ATP2B2: variants seen among roughly 807,000 people sequenced by gnomAD.
The protein encoded by ATP2B2 is ATPase plasma membrane Ca2+ transporting 2, also known as plasma membrane calcium-transporting ATPase 2.
Under a neutral mutation model 120.0 loss-of-function variants are expected in ATP2B2, and 15 were observed. The observed-to-expected ratio is 0.12, with a 90% confidence interval of 0.08 to 0.19. The LOEUF is 0.19. Ranked by LOEUF, ATP2B2 falls within the 10% of genes least tolerant of loss-of-function variation. ATP2B2 has a pLI of 1.00. For synonymous variants in ATP2B2, 694 were observed against 700.3 expected (o/e 0.99, Z 0.14); for missense variants, 1,045 against 1,719.8 (o/e 0.61, Z 6.94).
At position 10,595,159 on chromosome 3, in the gene ATP2B2, G is replaced by A. The variant is rs116758526; in HGVS notation, c.-415+24758C>T. ...TCCTAGATTCTCATAGGCCCACACT[G>A]GACAGATCCCTCCCACTCCAACCCG... On this transcript the variant is annotated intron_variant, in intron 2 of 21. Transcript: ENST00000646379. Among the ~76,000 whole-genome samples, 554 of 152,308 alleles carry A rather than the reference G, an allele frequency of 3.6e-3. 3 individuals carry two copies. The highest frequency in any genetic ancestry group is 0.013 in the African/African-American group (529 of 41,554).
In ATP2B2 at chr3:10,417,995, T is replaced by C. The variant is rs368587622; in HGVS notation, c.200-7180A>G. 7.9e-5 allele frequency among the ~76,000 whole-genome samples: 12 copies of C among 152,294 alleles called. No homozygotes were observed. The South Asian group carries it at 2.5e-3, about 32-fold the overall frequency. ...AGGCTGGGAATAGAAACTGAATTTA[T>C]AGCATGCCACATGGGGTCAGGCTTA... is the stretch of plus-strand genomic sequence containing the variant. On this transcript the variant is annotated intron_variant, in intron 2 of 22. Transcript: ENST00000360273.
chr3:10,541,852 G>A (rs1420362451), intron 2 of ATP2B2, among the ~76,000 whole-genome samples: 1 of 152,030 alleles, frequency 6.6e-6, no homozygotes, highest in East Asian at 1.9e-4. Flanking sequence ...ATCAATTATT[G>A]GGAGATGAGT....
chr3:10,452,078 T>C (rs887715870), intron 1 of ATP2B2, among the ~76,000 whole-genome samples: 9 of 152,274 alleles, frequency 5.9e-5, no homozygotes, highest in Non-Finnish European at 1.3e-4. Context: ...TGCAACACTG[T>C]GAAGTGGATA....
At position 10,612,857 on chromosome 3, in the gene ATP2B2, C is replaced by A. The variant is rs550674551; in HGVS notation, c.-415+7060G>T. 8.7e-4 allele frequency among the ~76,000 whole-genome samples: 133 copies of A among 152,272 alleles called. 1 individual carries two copies. The highest frequency in any genetic ancestry group is 3.2e-3 in the African/African-American group (132 of 41,540). ...AATAAAACTTTGACAGGCTTTCATC[C>A]CTGGTTCCTGGAAGGCAAACTCTAA... On this transcript the variant is annotated intron_variant, in intron 2 of 21. Transcript: ENST00000646379.
At chr3:10,568,943 G>A (rs1288334227) in intron 2 of ATP2B2, among the ~76,000 whole-genome samples, 4 of 152,164 alleles carry the variant, frequency 2.6e-5, no homozygotes, top group African/African-American at 7.2e-5. Context: ...AGAATATAGA[G>A]TTGCCATCAG....
At chr3:10,364,714 G>A (rs900174381) in intron 12 of ATP2B2, among the ~76,000 whole-genome samples, 6 of 150,992 alleles carry the variant, frequency 4.0e-5, no homozygotes, top group African/African-American at 1.5e-4. Flanking sequence ...CCATCTTGGG[G>A]AAAAAAAATA....
chr3:10,406,071 C>T (rs1158042425), intron 3 of ATP2B2, among the ~76,000 whole-genome samples: 1 of 152,192 alleles, frequency 6.6e-6, no homozygotes, highest in African/African-American at 2.4e-5. Flanking sequence ...ATAGCCCTGC[C>T]CCAACTGCTT....
At chr3:10,674,033 C>G (rs953801405) in intron 1 of ATP2B2, among the ~76,000 whole-genome samples, 11 of 151,536 alleles carry the variant, frequency 7.3e-5, no homozygotes, top group African/African-American at 9.7e-5. Flanking sequence ...TTGGGGCAGG[C>G]AGATCCAGGT....
chr3:10,590,141 T>C (rs527940152), intron 2 of ATP2B2, among the ~76,000 whole-genome samples: 2 of 152,320 alleles, frequency 1.3e-5, no homozygotes, highest in East Asian at 1.9e-4. Flanking sequence ...CTCCAGCCAC[T>C]GTGTTGACAG....
chr3:10,616,923 T>C (rs2069404784), intron 2 of ATP2B2, among the ~76,000 whole-genome samples: 2 of 152,240 alleles, frequency 1.3e-5, no homozygotes, highest in Admixed American at 6.5e-5. Context: ...TGTCTACCTA[T>C]TTAAAAAAAT....
At chr3:10,438,462 C>T (rs1045216874) in intron 2 of ATP2B2, among the ~76,000 whole-genome samples, 1 of 152,202 alleles carries the variant, frequency 6.6e-6, no homozygotes, top group African/African-American at 2.4e-5. Context: ...TCACACTGTA[C>T]CTGCATGTGA....
rs910791095 is a variant in ATP2B2, at chr3:10,553,815, C to T, written c.-414-19682G>A. ...GGGTAAATATCAACACTTCTGGGCC[C>T]GTTACTAAGGGCCTGGGTGGTTGCT... is the stretch of plus-strand genomic sequence containing the variant. On this transcript the variant is annotated intron_variant, in intron 2 of 21. Coordinates refer to the ATP2B2 transcript ENST00000646379. Among the ~76,000 whole-genome samples, 22 of 152,062 alleles carry T rather than the reference C, an allele frequency of 1.4e-4. 1 individual carries two copies. Among genetic ancestry groups the T allele is most frequent in the African/African-American group, 4.8e-4 (20 of 41,396 alleles).
At chr3:10,333,312 G>C (rs1243673606) in intron 22 of ATP2B2, among the ~76,000 whole-genome samples, 1 of 152,128 alleles carries the variant, frequency 6.6e-6, no homozygotes, top group African/African-American at 2.4e-5. Flanking sequence ...CAGAAGGCTG[G>C]TGGGGTGCGG....
At chr3:10,390,458 T>TTG (rs1260513985) in intron 5 of ATP2B2, among the ~76,000 whole-genome samples, 2 of 140,248 alleles carry the variant, frequency 1.4e-5, no homozygotes. Context: ...TATCCCGATG[T>TTG]TGTGTGTGTG....
At chr3:10,378,477 A>T in intron 9 of ATP2B2, 67 bp from the exon 10 acceptor site, 1 of 1,591,928 alleles carries the variant, frequency 6.3e-7, no homozygotes, top group South Asian at 1.1e-5. Context: ...GTCAGCCCAC[A>T]GGGTGGAGAC....
At chr3:10,571,971 T>C (rs2068138655) in intron 2 of ATP2B2, among the ~76,000 whole-genome samples, 1 of 152,140 alleles carries the variant, frequency 6.6e-6, no homozygotes, top group Non-Finnish European at 1.5e-5. Context: ...GGGGTCAACT[T>C]CCCCACCCCT....
At chr3:10,460,012 C>T (rs1037817940) in intron 1 of ATP2B2, among the ~76,000 whole-genome samples, 3 of 152,226 alleles carry the variant, frequency 2.0e-5, no homozygotes, top group East Asian at 1.9e-4. Context: ...GGTTCTTCTG[C>T]GGTCAGTATT....
At chr3:10,394,915 A>C (rs987607074) in intron 5 of ATP2B2, among the ~76,000 whole-genome samples, 2 of 151,970 alleles carry the variant, frequency 1.3e-5, no homozygotes, top group Non-Finnish European at 2.9e-5. Flanking sequence ...CATCTAGTCT[A>C]GTCCTGCATT....
At chr3:10,405,127 A>G (rs1265837970) in intron 3 of ATP2B2, among the ~76,000 whole-genome samples, 2 of 152,230 alleles carry the variant, frequency 1.3e-5, no homozygotes, top group Non-Finnish European at 2.9e-5. Context: ...ACAGCTGTGA[A>G]GTGGGATAAC....
Sources: allele counts gnomAD v4.1 joint callset (sites outside exome capture counted in the v4.1 genomes callset), GRCh38; gene constraint gnomAD v4.1.1; transcripts MANE v1.5; gene names NCBI Gene and HGNC (gene_info 2026-07-23, HGNC 2026-07-21).